Variants in BCAS3 observed in about 807,000 individuals in gnomAD.
The protein encoded by BCAS3 is BCAS4/BCAS3 fusion.
Under a neutral mutation model 116.1 loss-of-function variants are expected in BCAS3, and 53 were observed. The observed-to-expected ratio is 0.46, with a 90% confidence interval of 0.37 to 0.57. BCAS3 has a LOEUF of 0.57. Among genes scored for constraint, BCAS3 ranks in the 20% least tolerant of loss-of-function variants. The pLI is 0.00. For missense variants in BCAS3, 917 were observed against 1,165.4 expected, an observed-to-expected ratio of 0.79 and a Z score of 3.10; for synonymous variants, 391 against 408.2, an observed-to-expected ratio of 0.96 and a Z score of 0.51.
In BCAS3 at chr17:61,222,902, G is replaced by A. The variant is rs1054332072; in HGVS notation, c.2425+138338G>A. On this transcript the variant is annotated intron_variant, in intron 22 of 23. Transcript: ENST00000407086. The surrounding 1 kb of genome is among the most constrained non-coding windows in gnomAD (Gnocchi z 6.1). The stretch of plus-strand genomic sequence containing the variant: ...GTTTGCTCCCTTTCTGAAAGATGGG[G>A]GTTGTAATTTGTTTGCTGTTTAGGA... Among the ~76,000 whole-genome samples the A allele has an allele frequency of 3.9e-5, 6 of 152,094 alleles. No individual in the cohort carries two copies. Among genetic ancestry groups the A allele is most frequent in the Non-Finnish European group, 7.3e-5 (5 of 68,034 alleles).
intron 7 of BCAS3, among the ~76,000 whole-genome samples, chr17:60,814,307 G>GCGCGCA (rs1555731239): frequency 1.7e-5 from 2 of 120,926 alleles, no homozygotes; most frequent in African/African-American, 1.0e-4. Context: ...GTGTGTGTGT[G>GCGCGCA]CGCGCGTGCC....
At chr17:60,909,801 A>T in intron 11 of BCAS3, among the ~76,000 whole-genome samples, 1 of 152,292 alleles carries the variant, frequency 6.6e-6, no homozygotes, top group Non-Finnish European at 1.5e-5. Context: ...AGTTTTACTT[A>T]TATGTTTTGA....
Position 61,243,821 on chromosome 17 carries a change from T to C in BCAS3, c.2426-124506T>C, listed in dbSNP as rs2047715828. 6.6e-6 allele frequency among the ~76,000 whole-genome samples: 1 copy of C among 152,228 alleles called. No individual in the cohort carries two copies. The highest frequency in any genetic ancestry group is 1.9e-4 in the East Asian group (1 of 5,198). On this transcript the variant is annotated intron_variant, in intron 22 of 23. Coordinates refer to ENST00000407086, the MANE Select transcript of BCAS3 (RefSeq NM_017679.5). The surrounding 1 kb of genome is among the most constrained non-coding windows in gnomAD (Gnocchi z 5.6). Reference sequence around the variant, plus strand: ...TTTCCTAAAGAGTTGGAATCTGCTCTGTCAACCAGGCTGGAGTGCGCTGGT... The same window carrying C: ...TTTCCTAAAGAGTTGGAATCTGCTCCGTCAACCAGGCTGGAGTGCGCTGGT...
At chr17:60,769,701 T>A (rs1476951569) in intron 6 of BCAS3, among the ~76,000 whole-genome samples, 1 of 152,186 alleles carries the variant, frequency 6.6e-6, no homozygotes, top group Non-Finnish European at 1.5e-5. Context: ...GAAGGTGCCC[T>A]GCCTCCTGTC....
At chr17:61,274,503 G>C (rs1012759954) in intron 22 of BCAS3, among the ~76,000 whole-genome samples, 1 of 151,862 alleles carries the variant, frequency 6.6e-6, no homozygotes, top group African/African-American at 2.4e-5. Context: ...TGGCCAGGCT[G>C]GTCTCAAACT....
chr17:61,011,893 T>C (rs984199055), intron 15 of BCAS3, among the ~76,000 whole-genome samples: 4 of 152,116 alleles, frequency 2.6e-5, no homozygotes, highest in African/African-American at 9.7e-5. Flanking sequence ...TTTACATGTC[T>C]GTGTCAGCTA....
At chr17:60,706,342 GC>G (rs907684243) in intron 4 of BCAS3, among the ~76,000 whole-genome samples, 2 of 152,054 alleles carry the variant, frequency 1.3e-5, no homozygotes, top group Non-Finnish European at 2.9e-5. Flanking sequence ...GGGATTACAG[GC>G]CTGAGCTACC....
In BCAS3 at chr17:61,309,497, T is replaced by G. The variant is rs529534947; in HGVS notation, c.2426-58830T>G. 3.3e-5 allele frequency among the ~76,000 whole-genome samples: 5 copies of G among 152,186 alleles called. No individual in the cohort carries two copies. In the South Asian group the frequency reaches 1.0e-3, roughly 32 times the overall value. On this transcript the variant is annotated intron_variant, in intron 22 of 23. Transcript: ENST00000407086. The surrounding 1 kb of genome is among the most constrained non-coding windows in gnomAD (Gnocchi z 4.6). ...GTGGACATCAGAGGGGTCCCGGCAA[T>G]GCGGCCCTGACCCTTCCCTGCCTCA...
At position 61,089,509 on chromosome 17, in the gene BCAS3, C is replaced by CTTTTTTTTTTTTT. The variant is rs71370187; in HGVS notation, c.2425+4971_2425+4983dup. ...TTTTTCTTCGAGACGGAGTTTCACTCTTTTTTTTTTTTTTTTTTTTTTTTT... is the reference window on the plus strand; with the variant it reads ...TTTTTCTTCGAGACGGAGTTTCACTCTTTTTTTTTTTTTTTTTTTTTTTTTTTTTTTTTTTTTT... On this transcript the variant is annotated intron_variant, in intron 22 of 23. Transcript: ENST00000407086. Among the ~76,000 whole-genome samples, 10 of 26,750 alleles carry CTTTTTTTTTTTTT rather than the reference C, an allele frequency of 3.7e-4. 4 individuals are homozygous for CTTTTTTTTTTTTT. Among genetic ancestry groups the CTTTTTTTTTTTTT allele is most frequent in the Admixed American group, 9.7e-4 (2 of 2,056 alleles). 17.5% of individuals were successfully genotyped at this position (26,750 alleles called of 152,430 possible).
intron 22 of BCAS3, among the ~76,000 whole-genome samples, chr17:61,357,976 T>A (rs1013098588): frequency 7.3e-5 from 11 of 151,570 alleles, no homozygotes; most frequent in Admixed American, 7.2e-4. Context: ...TAATCCCAGC[T>A]CCTTGGGATG....
chr17:60,850,592 C>T (rs2053043963), intron 7 of BCAS3, among the ~76,000 whole-genome samples: 1 of 152,002 alleles, frequency 6.6e-6, no homozygotes, highest in African/African-American at 2.4e-5. Context: ...CTCCTGACCT[C>T]AGGTAATCTG....
chr17:60,943,029 C>A (rs1050639022), intron 13 of BCAS3, among the ~76,000 whole-genome samples: 4 of 152,022 alleles, frequency 2.6e-5, no homozygotes, highest in African/African-American at 9.7e-5. Flanking sequence ...TTATTTTTAA[C>A]ATTCAACAAT....
At chr17:61,372,806 C>T (rs1329244901) in intron 23 of BCAS3, among the ~76,000 whole-genome samples, 1 of 152,070 alleles carries the variant, frequency 6.6e-6, no homozygotes, top group Non-Finnish European at 1.5e-5. Flanking sequence ...TCCTGCTTAG[C>T]AGACATTCCT....
At chr17:61,335,222 G>C (rs1041473752) in intron 22 of BCAS3, among the ~76,000 whole-genome samples, 3 of 152,188 alleles carry the variant, frequency 2.0e-5, no homozygotes, top group African/African-American at 7.2e-5. Context: ...TGCTCTGTAC[G>C]TTCACAGCAG....
At chr17:60,750,941 T>G (rs2144281846) in intron 6 of BCAS3, among the ~76,000 whole-genome samples, 1 of 152,352 alleles carries the variant, frequency 6.6e-6, no homozygotes, top group East Asian at 1.9e-4. Flanking sequence ...ATTTGCAGGC[T>G]GTTTTTATGT....
rs1432040498 is a variant in BCAS3 at position 61,248,038 on chromosome 17, G to A, written c.2426-120289G>A. 6.6e-6 allele frequency among the ~76,000 whole-genome samples: 1 copy of A among 152,234 alleles called. No individual in the cohort carries two copies. The highest frequency in any genetic ancestry group is 1.5e-5 in the Non-Finnish European group (1 of 68,042). ...AGGAGTTGGGGTACTTTGTTGGGAT[G>A]TTTTGTTAGGATGCTTTTCTGAATT... On this transcript the variant is annotated intron_variant, in intron 22 of 23. Coordinates refer to ENST00000407086, the MANE Select transcript of BCAS3 (RefSeq NM_017679.5). This position sits in a 1 kb window ranked among gnomAD's most constrained non-coding sequence, Gnocchi z 4.3.
intron 13 of BCAS3, among the ~76,000 whole-genome samples, chr17:60,928,862 TCATATTTA>T (rs771287789): frequency 1.8e-4 from 27 of 152,314 alleles, no homozygotes; most frequent in Middle Eastern, 6.8e-3. Flanking sequence ...AGTTTCTGGT[TCATATTTA>T]CTCTTCTAAC....
At chr17:60,716,379 G>T (rs2038610531) in intron 5 of BCAS3, among the ~76,000 whole-genome samples, 1 of 152,188 alleles carries the variant, frequency 6.6e-6, no homozygotes, top group African/African-American at 2.4e-5. Flanking sequence ...CTTAGGGTAA[G>T]ACTGGAACAA....
intron 5 of BCAS3, among the ~76,000 whole-genome samples, chr17:60,714,023 G>C (rs1423903229): frequency 1.3e-5 from 2 of 152,098 alleles, no homozygotes; most frequent in Non-Finnish European, 2.9e-5. Context: ...TTTTAGTAGA[G>C]ATGGGGTTTC....
Sources: allele counts gnomAD v4.1 joint callset (sites outside exome capture counted in the v4.1 genomes callset), GRCh38; gene constraint gnomAD v4.1.1; non-coding constraint Gnocchi (gnomAD v3.1); transcripts MANE v1.5; gene names NCBI Gene and HGNC (gene_info 2026-07-23, HGNC 2026-07-21).